The following SNPH variants were observed in gnomAD, a reference collection of about 807,000 sequenced individuals.
SNPH encodes the protein syntaphilin.
SNPH carries 10 observed loss-of-function variants against 36.8 expected under a neutral mutation model. The observed-to-expected ratio is 0.27, with a 90% CI of 0.17 to 0.46. SNPH has a LOEUF of 0.46. Ranked by LOEUF, SNPH falls within the 20% of genes least tolerant of loss-of-function variation. The pLI is 1.00. For synonymous variants in SNPH, 281 were observed against 312.2 expected, an observed-to-expected ratio of 0.90 and a Z score of 1.05; for missense variants, 622 against 744.0, an observed-to-expected ratio of 0.84 and a Z score of 1.91.
intron 2 of SNPH, among the ~76,000 whole-genome samples, chr20:1,270,174 TA>T (rs2088055986): frequency 6.6e-6 from 1 of 152,234 alleles, no homozygotes; most frequent in Non-Finnish European, 1.5e-5. Flanking sequence ...CTTAACTTGC[TA>T]AACATTGACC....
At chr20:1,289,570 G>T (rs143224877) in intron 2 of SNPH, among the ~76,000 whole-genome samples, 1,958 of 150,050 alleles carry the variant, frequency 0.013, 28 homozygotes, top group African/African-American at 0.03. Flanking sequence ...GGAGTCAGGG[G>T]CATGGTGGCT....
At chr20:1,274,668 C>T (rs1188916422) in intron 2 of SNPH, among the ~76,000 whole-genome samples, 2 of 152,150 alleles carry the variant, frequency 1.3e-5, no homozygotes, top group African/African-American at 4.8e-5. Flanking sequence ...GGCTGGCACT[C>T]GGGAAGGGAG....
In SNPH at chr20:1,294,845, A is replaced by AT. The variant is rs2122385449; in HGVS notation, c.-492-104dup. On this transcript the variant is annotated intron_variant, in intron 2 of 6. Transcript: ENST00000381867. This position sits in a 1 kb window ranked among gnomAD's most constrained non-coding sequence, Gnocchi z 4.4. ...CATCTGATGTTGACCTGGTTTCGAT[A>AT]TTGGCTCTGCCACACACCTGGGATG... 6.6e-6 allele frequency: 1 copy of AT among 150,604 alleles called. No individual in the cohort carries two copies. Among genetic ancestry groups the AT allele is most frequent in the Admixed American group, 6.7e-5 (1 of 14,962 alleles). 9.3% of individuals were successfully genotyped at this position (150,604 alleles called of 1,614,324 possible). A position where few individuals can be genotyped will look rare whatever the true frequency, so the allele number is the denominator to read the frequency against.
intron 2 of SNPH, among the ~76,000 whole-genome samples, chr20:1,293,557 T>TGA (rs1333513103): frequency 1.3e-5 from 2 of 152,090 alleles, no homozygotes. Flanking sequence ...AGGGAGGACC[T>TGA]GAGAGAGCAC....
In SNPH at chr20:1,266,646, C is replaced by T. The variant is rs1217142092; in HGVS notation, c.-599-8C>T. 2.7e-6 allele frequency: 4 copies of T among 1,487,424 alleles called. No individual in the cohort carries two copies. Among genetic ancestry groups the T allele is most frequent in the East Asian group, 3.0e-5 (1 of 33,330 alleles). The allele number at this position is 1,487,424 out of a possible 1,614,324, so 92.1% of individuals were successfully genotyped here. A position where few individuals can be genotyped will look rare whatever the true frequency, so the allele number is the denominator to read the frequency against. On this transcript the variant is annotated splice_region_variant and splice_polypyrimidine_tract_variant and intron_variant, in intron 1 of 6. Transcript: ENST00000381867. This position sits in a 1 kb window ranked among gnomAD's most constrained non-coding sequence, Gnocchi z 6.0. ...GCCCCGGTCTATCTCTTTTTCCTAA[C>T]CCCGCAGGTCGCTGATCAGGGCCAG...
In SNPH at chr20:1,306,171, T is replaced by C; in HGVS notation, c.*117T>C. 1.1e-6 allele frequency: 1 copy of C among 907,176 alleles called. No individual in the cohort carries two copies. The highest frequency in any genetic ancestry group is 1.5e-6 in the Non-Finnish European group (1 of 653,830). The allele number at this position is 907,176 out of a possible 1,614,324, so 56.2% of individuals were successfully genotyped here. A position where few individuals can be genotyped will look rare whatever the true frequency, so the allele number is the denominator to read the frequency against. ...TTATTTAGTTTTGGGTGTGGAACTG[T>C]TTCTTTTTTTCAAGATGTTAAAACA... On this transcript the variant is annotated 3_prime_UTR_variant, in exon 7 of 7. Coordinates refer to ENST00000381867, the MANE Select transcript of SNPH (RefSeq NM_001318234.2).
chr20:1,286,724 T>A (rs1268471947), intron 2 of SNPH, among the ~76,000 whole-genome samples: 1 of 152,192 alleles, frequency 6.6e-6, no homozygotes, highest in Non-Finnish European at 1.5e-5. Flanking sequence ...AGAGTGTGTG[T>A]GCACAAGTGA....
chr20:1,293,623 T>C (rs1250497857), intron 2 of SNPH, among the ~76,000 whole-genome samples: 2 of 152,166 alleles, frequency 1.3e-5, no homozygotes, highest in East Asian at 3.9e-4. Context: ...CCTTTGGGCC[T>C]GGGTGGCTTC....
chr20:1,306,118 C>A lies in SNPH; in HGVS notation c.*64C>A, dbSNP rs2088576557. ...CTGATTGTAGGGATGCCGTTCCCCC[C>A]TCCCTTCTCCCATGGGCATCATCTT... On this transcript the variant is annotated 3_prime_UTR_variant, in exon 7 of 7. Coordinates refer to ENST00000381867, the MANE Select transcript of SNPH (RefSeq NM_001318234.2). The A allele has an allele frequency of 6.5e-6, 8 of 1,236,402 alleles. No homozygotes were observed. In the South Asian group the frequency reaches 6.9e-5, roughly 11 times the overall value. The allele number at this position is 1,236,402 out of a possible 1,614,324, so 76.6% of individuals were successfully genotyped here.
chr20:1,274,855 A>G (rs761402233), intron 2 of SNPH, among the ~76,000 whole-genome samples: 2 of 152,190 alleles, frequency 1.3e-5, no homozygotes, highest in Non-Finnish European at 2.9e-5. Context: ...AAGCCTCATT[A>G]GGCAGCCAGT....
At chr20:1,275,835 A>G (rs1382980976) in intron 2 of SNPH, among the ~76,000 whole-genome samples, 1 of 152,142 alleles carries the variant, frequency 6.6e-6, no homozygotes, top group African/African-American at 2.4e-5. Flanking sequence ...GACGTGTTCT[A>G]CCCCAAGTCA....
intron 2 of SNPH, among the ~76,000 whole-genome samples, chr20:1,279,209 A>G (rs2088186762): frequency 6.6e-6 from 1 of 152,204 alleles, no homozygotes; most frequent in South Asian, 2.1e-4. Flanking sequence ...CAGTTCCTCT[A>G]CATCCTCATC....
At chr20:1,270,098 A>T (rs765131833) in intron 2 of SNPH, among the ~76,000 whole-genome samples, 8 of 152,204 alleles carry the variant, frequency 5.3e-5, no homozygotes, top group Non-Finnish European at 1.2e-4. Flanking sequence ...AATGATCTGC[A>T]TGCATCTACT....
intron 2 of SNPH, among the ~76,000 whole-genome samples, chr20:1,275,402 C>T (rs1251086897): frequency 2.6e-5 from 4 of 152,148 alleles, no homozygotes; most frequent in Non-Finnish European, 4.4e-5. Context: ...CTCTAAGTCC[C>T]GACTCTTGTC....
In SNPH at chr20:1,266,363, C is replaced by T. The variant is rs527250622; in HGVS notation, c.-634C>T. Reference sequence around the variant, plus strand: ...GCTCGGGAGAGCAATTCGGCGGCCCCTGCAGGGCAGCTGAAGCCATGGAAG... The same window carrying T: ...GCTCGGGAGAGCAATTCGGCGGCCCTTGCAGGGCAGCTGAAGCCATGGAAG... On this transcript the variant is annotated 5_prime_UTR_variant, in exon 1 of 7. Coordinates refer to ENST00000381867, the MANE Select transcript of SNPH (RefSeq NM_001318234.2). This position sits in a 1 kb window ranked among gnomAD's most constrained non-coding sequence, Gnocchi z 6.0. The T allele has an allele frequency of 1.9e-3, 580 of 303,944 alleles. 1 individual carries two copies. Among genetic ancestry groups the T allele is most frequent in the Non-Finnish European group, 3.0e-3 (505 of 166,490 alleles). 18.8% of individuals were successfully genotyped at this position (303,944 alleles called of 1,614,324 possible).
At position 1,285,396 on chromosome 20, in the gene SNPH, G is replaced by A. The variant is rs945092912; in HGVS notation, c.-492-9555G>A. 1.3e-5 allele frequency among the ~76,000 whole-genome samples: 2 copies of A among 152,090 alleles called. No homozygotes were observed. The highest frequency in any genetic ancestry group is 4.8e-5 in the African/African-American group (2 of 41,398). ...AGTCAGGAACCTCTCAGATACAAAC[G>A]AGTATAGTATTTCAGATTAAGATTT... On this transcript the variant is annotated intron_variant, in intron 2 of 6. Transcript: ENST00000381867. The surrounding 1 kb of genome is among the most constrained non-coding windows in gnomAD (Gnocchi z 4.9).
At chr20:1,292,833 G>T (rs74831328) in intron 2 of SNPH, among the ~76,000 whole-genome samples, 259 of 152,232 alleles carry the variant, frequency 1.7e-3, no homozygotes, top group African/African-American at 6.1e-3. Flanking sequence ...GCTGCCACCT[G>T]GTGAACTCTT....
At chr20:1,271,484 G>A (rs2088072875) in intron 2 of SNPH, among the ~76,000 whole-genome samples, 1 of 152,114 alleles carries the variant, frequency 6.6e-6, no homozygotes, top group African/African-American at 2.4e-5. Context: ...TGGGACTATA[G>A]GCATGCGCCA....
At chr20:1,297,089 T>C in intron 4 of SNPH, 56 bp from the exon 5 acceptor site, 1 of 1,554,526 alleles carries the variant, frequency 6.4e-7, no homozygotes, top group Non-Finnish European at 8.7e-7. Flanking sequence ...GTTCGCCCAG[T>C]GTCCGCAGCT....
Sources: allele counts gnomAD v4.1 joint callset (sites outside exome capture counted in the v4.1 genomes callset), GRCh38; gene constraint gnomAD v4.1.1; non-coding constraint Gnocchi (gnomAD v3.1); transcripts MANE v1.5; gene names NCBI Gene and HGNC (gene_info 2026-07-23, HGNC 2026-07-21).